Variants in MYH7B observed in about 807,000 individuals in gnomAD.
MYH7B encodes myosin-7B.
A neutral mutation model predicts 234.5 loss-of-function variants in MYH7B; 205 were observed. The ratio of observed to expected loss-of-function variants is 0.87; its 90% CI spans 0.78 to 0.98. MYH7B has a LOEUF of 0.98. Among genes scored for constraint, MYH7B ranks in the 50% least tolerant of loss-of-function variants. The probability of loss-of-function intolerance (pLI) is 0.00; values close to 1 mark genes in which losing one functional copy is unlikely to be tolerated. For synonymous variants in MYH7B, 1,193 were observed against 1,105.0 expected, an observed-to-expected ratio of 1.08 and a Z score of -1.58; for missense variants, 2,652 against 2,633.4, an observed-to-expected ratio of 1.01 and a Z score of -0.15.
At chr20:34,990,134 G>A (rs1206494079) in exon 21 of MYH7B, 2 of 1,614,014 alleles carry the variant, frequency 1.2e-6, no homozygotes, top group Admixed American at 1.7e-5. Flanking sequence ...GAATTATGCG[G>A]GCTCCTGCTC....
intron 4 of MYH7B, 54 bp from the exon 5 acceptor site, chr20:34,977,880 G>A: frequency 1.2e-6 from 2 of 1,608,180 alleles, no homozygotes; most frequent in Non-Finnish European, 8.5e-7. Context: ...ATCTGGTCTT[G>A]TGGGTTGGGG....
At chr20:34,958,734 G>A (rs1163840484) in intron 2 of MYH7B, among the ~76,000 whole-genome samples, 2 of 152,208 alleles carry the variant, frequency 1.3e-5, no homozygotes, top group African/African-American at 4.8e-5. Flanking sequence ...AAAGTGCTGG[G>A]ATTACAGGCG....
At chr20:34,988,635 G>A (rs11905413) in intron 19 of MYH7B, among the ~76,000 whole-genome samples, 5,171 of 152,128 alleles carry the variant, frequency 0.034, 296 homozygotes, top group African/African-American at 0.12. Context: ...GTGCAGGGCA[G>A]GGTGTGTTTC....
intron 3 of MYH7B, among the ~76,000 whole-genome samples, chr20:34,977,051 A>C (rs59358673): frequency 0.52 from 19,722 of 37,988 alleles, 2,358 homozygotes; most frequent in African/African-American, 0.57. Flanking sequence ...CTCTCCCCCT[A>C]CCCCTCCCCC....
Position 34,998,272 on chromosome 20 carries a change from T to G in MYH7B, c.3748-23T>G, listed in dbSNP as rs1273091284. 8 of 1,612,794 alleles carry G rather than the reference T, an allele frequency of 5.0e-6. No individual in the cohort carries two copies. The South Asian group carries it at 8.8e-5, about 18-fold the overall frequency. On this transcript the variant is annotated intron_variant, in intron 32 of 44. Transcript: ENST00000262873. ...GTTCTGACATCTAACTCCTGACCCCTGACTCCCAACCTGGGATCCTAGGCC... is the reference window on the plus strand; with the variant it reads ...GTTCTGACATCTAACTCCTGACCCCGGACTCCCAACCTGGGATCCTAGGCC...
At chr20:35,001,107 A>G in exon 41 of MYH7B, 1 of 1,613,840 alleles carries the variant, frequency 6.2e-7, no homozygotes, top group Non-Finnish European at 8.5e-7. Context: ...AGGAGGCAGA[A>G]CAGGCCGCCC....
chr20:34,999,757 C>G (rs376071707), intron 37 of MYH7B, 34 bp from the exon 38 acceptor site: 215 of 1,319,310 alleles, frequency 1.6e-4, no homozygotes, highest in Non-Finnish European at 2.1e-4. Flanking sequence ...CCATCCCCCC[C>G]CCCCACCCTA....
Position 34,957,785 on chromosome 20 carries a change from C to T in MYH7B, c.-336-313C>T, listed in dbSNP as rs562858717. Among the ~76,000 whole-genome samples, 21 of 152,306 alleles carry T rather than the reference C, an allele frequency of 1.4e-4. No individual in the cohort carries two copies. The South Asian group carries it at 3.5e-3, about 26-fold the overall frequency. ...GATTACAGGCGTTAGCCACTGCGCC[C>T]GGCCCCTTTTGACTCTTTAAATAAA... On this transcript the variant is annotated intron_variant, in intron 1 of 44. Coordinates refer to ENST00000262873, the Ensembl canonical transcript of MYH7B.
At chr20:34,959,810 T>C (rs2081675646) in intron 2 of MYH7B, among the ~76,000 whole-genome samples, 1 of 152,194 alleles carries the variant, frequency 6.6e-6, no homozygotes, top group Non-Finnish European at 1.5e-5. Flanking sequence ...TGTTTTTTCC[T>C]AACAATAACT....
intron 35 of MYH7B, 28 bp downstream of exon 35, chr20:34,998,943 C>A: frequency 6.2e-7 from 1 of 1,602,574 alleles, no homozygotes; most frequent in South Asian, 1.1e-5. Flanking sequence ...CAGGCCACTG[C>A]CATGCAGAGC....
chr20:34,972,412 C>T (rs1239620041), intron 2 of MYH7B, among the ~76,000 whole-genome samples: 2 of 152,060 alleles, frequency 1.3e-5, no homozygotes, highest in East Asian at 1.9e-4. Flanking sequence ...CCTTCAGTAT[C>T]GCCTCTTCAG....
chr20:34,999,750 T>TTCCCCCCCCCC, intron 37 of MYH7B, 41 bp from the exon 38 acceptor site: 2 of 1,320,532 alleles, frequency 1.5e-6, no homozygotes, highest in Admixed American at 2.0e-5. Flanking sequence ...CCACTGGCCA[T>TTCCCCCCCCCC]CCCCCCCCCC....
At chr20:34,997,771 C>T (rs2082292060) in intron 32 of MYH7B, 131 bp downstream of exon 32, 3 of 1,137,436 alleles carry the variant, frequency 2.6e-6, no homozygotes, top group Admixed American at 5.3e-5. Context: ...ACCTGGTACA[C>T]AACCCTCATT....
At chr20:34,997,228 G>A (rs748050916) in intron 31 of MYH7B, 23 bp from the exon 32 acceptor site, 17 of 1,555,688 alleles carry the variant, frequency 1.1e-5, no homozygotes, top group Middle Eastern at 4.3e-4. Context: ...AGAGGTGACA[G>A]CTGCCCCACG....
chr20:35,002,256 C>A, exon 45 of MYH7B: 1 of 1,483,732 alleles, frequency 6.7e-7, no homozygotes, highest in South Asian at 1.4e-5. Context: ...CCACCTGCCC[C>A]GATCCTGCCA....
At chr20:34,963,187 C>G (rs1186248334) in intron 2 of MYH7B, among the ~76,000 whole-genome samples, 1 of 152,234 alleles carries the variant, frequency 6.6e-6, no homozygotes, top group African/African-American at 2.4e-5. Flanking sequence ...ATGCTCAGTA[C>G]AGTTGAAACA....
exon 13 of MYH7B, chr20:34,985,108 G>A (rs781128917): frequency 6.2e-7 from 1 of 1,614,082 alleles, no homozygotes; most frequent in South Asian, 1.1e-5. Context: ...TGGGAAGCTG[G>A]CATCCGCGGA....
chr20:34,978,614 A>G lies in MYH7B; in HGVS notation c.91+518A>G, dbSNP rs534178461. ...TCAGGCCCAGAGCAGATGACTTTCC[A>G]TGCATCATCTCAACAACCTGGGGAG... On this transcript the variant is annotated intron_variant, in intron 5 of 44. Coordinates refer to ENST00000262873, the Ensembl canonical transcript of MYH7B. Among the ~76,000 whole-genome samples, 3 of 152,266 alleles carry G rather than the reference A, an allele frequency of 2.0e-5. No individual in the cohort carries two copies. The South Asian group carries it at 6.2e-4, about 32-fold the overall frequency.
At position 34,981,055 on chromosome 20, in the gene MYH7B, G is replaced by A. The variant is rs761996955; in HGVS notation, c.522G>A (p.Leu174=). 93 of 1,613,924 alleles carry A rather than the reference G, an allele frequency of 5.8e-5. No homozygotes were observed. The highest frequency in any genetic ancestry group is 1.6e-4 in the Middle Eastern group (1 of 6,082). The change falls in exon 9 of 45, where the codon CTG becomes CTA. Residue 174 remains leucine, a synonymous_variant. Coordinates refer to ENST00000262873, the Ensembl canonical transcript of MYH7B. The stretch of plus-strand genomic sequence containing the variant: ...CAGACCGAGACAACCAGTCCATGCT[G>A]ATCACGTGAGTGTGGGGCTCTGGGG...
Sources: allele counts gnomAD v4.1 joint callset (sites outside exome capture counted in the v4.1 genomes callset), GRCh38; gene constraint gnomAD v4.1.1; transcripts MANE v1.5; gene names NCBI Gene and HGNC (gene_info 2026-07-23, HGNC 2026-07-21).